The following TENM2 variants were observed in gnomAD, a reference collection of about 807,000 sequenced individuals.
The protein encoded by TENM2 is teneurin-2.
TENM2 carries 52 observed loss-of-function variants against 245.2 expected under a neutral mutation model. The observed-to-expected ratio is 0.21, with a 90% CI of 0.17 to 0.27. The LOEUF (loss-of-function observed/expected upper bound fraction) is 0.27. Ranked by LOEUF, TENM2 falls within the 10% of genes least tolerant of loss-of-function variation. TENM2 has a pLI of 1.00. For missense variants in TENM2, 3,046 were observed against 3,666.8 expected (o/e 0.83, Z 4.37); for synonymous variants, 1,363 against 1,438.9 (o/e 0.95, Z 1.19).
the TENM2 span, among the ~76,000 whole-genome samples, chr5:167,223,710 G>C: frequency 6.6e-6 from 1 of 152,058 alleles, no homozygotes; most frequent in Non-Finnish European, 1.5e-5. Context: ...ATATCCAGTA[G>C]TGGCATTGCT....
intron 24 of TENM2, among the ~76,000 whole-genome samples, chr5:168,227,367 A>G (rs1478031000): frequency 6.6e-6 from 1 of 152,154 alleles, no homozygotes; most frequent in Non-Finnish European, 1.5e-5. Context: ...CAGTAAAAGC[A>G]TGAGGATGGG....
At chr5:167,263,285 G>A in the TENM2 span, among the ~76,000 whole-genome samples, 1 of 152,066 alleles carries the variant, frequency 6.6e-6, no homozygotes, top group African/African-American at 2.4e-5. Flanking sequence ...TGTAAGGCAA[G>A]CATTATTAAT....
At chr5:167,540,006 C>T (rs1281615066) in intron 2 of TENM2, among the ~76,000 whole-genome samples, 3 of 152,134 alleles carry the variant, frequency 2.0e-5, no homozygotes, top group Admixed American at 6.5e-5. Context: ...AGCTTTCATG[C>T]ATGCAAAAAC....
At chr5:168,069,788 G>A (rs1176560012) in intron 7 of TENM2, among the ~76,000 whole-genome samples, 6 of 152,058 alleles carry the variant, frequency 3.9e-5, no homozygotes, top group Non-Finnish European at 1.5e-5. Flanking sequence ...ATAGTTTACG[G>A]AGTAAAATTA....
At chr5:167,768,281 A>G (rs1005898812) in intron 2 of TENM2, among the ~76,000 whole-genome samples, 2 of 152,176 alleles carry the variant, frequency 1.3e-5, no homozygotes, top group Non-Finnish European at 2.9e-5. Flanking sequence ...ATTACATGCT[A>G]TAGAAACAAG....
At chr5:167,998,748 T>C (rs1390370502) in intron 5 of TENM2, among the ~76,000 whole-genome samples, 1 of 152,172 alleles carries the variant, frequency 6.6e-6, no homozygotes, top group African/African-American at 2.4e-5. Flanking sequence ...AAATGTGAAA[T>C]ACTATGTTTG....
chr5:167,692,200 A>G lies in TENM2; in HGVS notation c.503-183786A>G, dbSNP rs550312680. On this transcript the variant is annotated intron_variant, in intron 2 of 28. Transcript: ENST00000518659. ...AGGACAGACCTTATCTGCCCTGTTC[A>G]CAAGTTGTTCTCAGGGTCTAGAACA... 1.1e-4 allele frequency among the ~76,000 whole-genome samples: 17 copies of G among 152,270 alleles called. No individual in the cohort carries two copies. In the South Asian group the frequency reaches 1.5e-3, roughly 13 times the overall value.
exon 12 of TENM2, chr5:168,126,963 A>T (rs2152360741): frequency 1.9e-6 from 3 of 1,601,470 alleles, no homozygotes; most frequent in Non-Finnish European, 2.6e-6. Context: ...AGGCACCGAA[A>T]CAGGCACATA....
the TENM2 span, among the ~76,000 whole-genome samples, chr5:167,168,624 T>G: frequency 6.6e-6 from 1 of 152,248 alleles, no homozygotes; most frequent in African/African-American, 2.4e-5. Context: ...TTCCCAGACT[T>G]ATTTTACAGT....
chr5:167,608,646 G>A (rs1434946675), intron 2 of TENM2, among the ~76,000 whole-genome samples: 1 of 152,212 alleles, frequency 6.6e-6, no homozygotes, highest in African/African-American at 2.4e-5. Flanking sequence ...GTCACAGGGA[G>A]TAAAAAGCAG....
intron 12 of TENM2, chr5:168,149,592 AC>A: frequency 2.4e-6 from 1 of 424,618 alleles, no homozygotes; most frequent in African/African-American, 2.0e-5. Flanking sequence ...CCAAGCCTCC[AC>A]CCTGGCTTAC....
chr5:167,638,476 T>C (rs989359459), intron 2 of TENM2, among the ~76,000 whole-genome samples: 3 of 152,204 alleles, frequency 2.0e-5, no homozygotes, highest in African/African-American at 7.2e-5. Flanking sequence ...ACTACTGGGC[T>C]GAGCTTCAGC....
chr5:167,013,914 C>G, the TENM2 span, among the ~76,000 whole-genome samples: 3 of 152,064 alleles, frequency 2.0e-5, no homozygotes, highest in Admixed American at 1.3e-4. Flanking sequence ...AAGGGAATGT[C>G]GAGGAGCTTC....
At chr5:167,919,886 A>C (rs1191173323) in intron 3 of TENM2, among the ~76,000 whole-genome samples, 1 of 152,228 alleles carries the variant, frequency 6.6e-6, no homozygotes, top group Non-Finnish European at 1.5e-5. Flanking sequence ...TGTGTTTCCT[A>C]AATTCCCACA....
At chr5:167,062,356 T>C in the TENM2 span, among the ~76,000 whole-genome samples, 3 of 152,090 alleles carry the variant, frequency 2.0e-5, no homozygotes, top group African/African-American at 4.8e-5. Context: ...TAGGTAAAAA[T>C]TGATTGCTAC....
intron 1 of TENM2, among the ~76,000 whole-genome samples, chr5:167,352,694 T>G (rs1251601162): frequency 6.6e-6 from 1 of 152,214 alleles, no homozygotes; most frequent in Admixed American, 6.5e-5. Context: ...GATAGCACAA[T>G]TTTTATAAAA....
chr5:168,162,244 G>A (rs1757808320), intron 12 of TENM2, among the ~76,000 whole-genome samples: 1 of 152,160 alleles, frequency 6.6e-6, no homozygotes, highest in African/African-American at 2.4e-5. Context: ...AAAAAAGAGA[G>A]AAAGAAAAGC....
At chr5:167,147,489 A>C in the TENM2 span, among the ~76,000 whole-genome samples, 6 of 152,176 alleles carry the variant, frequency 3.9e-5, no homozygotes, top group African/African-American at 1.4e-4. Flanking sequence ...AGTGCATACA[A>C]ATACATTATG....
At chr5:167,831,485 CTTT>C (rs10667494) in intron 2 of TENM2, among the ~76,000 whole-genome samples, 2,406 of 127,750 alleles carry the variant, frequency 0.019, 58 homozygotes, top group East Asian at 0.13. Context: ...GAGTTCAGCA[CTTT>C]TTTTTTTTTT....
Sources: gnomAD v4.1 joint callset for allele counts (sites outside exome capture counted in the v4.1 genomes callset) on GRCh38, gnomAD v4.1.1 for gene constraint, MANE v1.5 for transcripts, NCBI Gene and HGNC (gene_info 2026-07-23, HGNC 2026-07-21) for gene names.